The following B3GALT1 variants were observed in gnomAD, a reference collection of about 807,000 sequenced individuals.
B3GALT1 encodes the protein beta-1,3-galactosyltransferase 1, also known as UDP-Gal:betaGlcNAc beta 1,3-galactosyltransferase, polypeptide 1.
B3GALT1 carries 10 observed loss-of-function variants against 23.2 expected under a neutral mutation model. That is an observed-to-expected ratio of 0.43 (90% CI 0.27 to 0.73). The LOEUF (loss-of-function observed/expected upper bound fraction) is 0.73. Among genes scored for constraint, B3GALT1 ranks in the 30% least tolerant of loss-of-function variants. B3GALT1 has a pLI of 0.21. For synonymous variants in B3GALT1, 156 were observed against 141.5 expected (o/e 1.10, Z -0.73); for missense variants, 299 against 405.4 (o/e 0.74, Z 2.25).
chr2:167,860,939 G>A (rs1474886949), intron 4 of B3GALT1, among the ~76,000 whole-genome samples: 1 of 147,166 alleles, frequency 6.8e-6, no homozygotes, highest in African/African-American at 2.5e-5. Context: ...ATTCTTCTTT[G>A]AATGCTAATT....
chr2:167,661,389 A>C (rs922620495), intron 3 of B3GALT1, among the ~76,000 whole-genome samples: 5 of 152,064 alleles, frequency 3.3e-5, no homozygotes, highest in African/African-American at 1.2e-4. Context: ...AGCCCCAAGA[A>C]AACCAGTCTT....
intron 1 of B3GALT1, among the ~76,000 whole-genome samples, chr2:167,441,550 G>A (rs188691021): frequency 1.1e-4 from 17 of 152,178 alleles, no homozygotes; most frequent in East Asian, 5.8e-4. Context: ...CATGATACTC[G>A]TGTTATCTTC....
chr2:167,332,975 T>A (rs1229323309), intron 1 of B3GALT1, among the ~76,000 whole-genome samples: 2 of 152,176 alleles, frequency 1.3e-5, no homozygotes, highest in Non-Finnish European at 2.9e-5. Context: ...CTCAGGCAAA[T>A]TCCAGGTCTG....
chr2:167,325,702 C>CTTTT (rs61066636), intron 1 of B3GALT1, among the ~76,000 whole-genome samples: 22 of 110,560 alleles, frequency 2.0e-4, no homozygotes, highest in African/African-American at 6.0e-4. Flanking sequence ...ACCCTGTTTT[C>CTTTT]TTTTTTTTTT....
chr2:167,688,313 A>G (rs1409910054), intron 3 of B3GALT1, among the ~76,000 whole-genome samples: 8 of 152,198 alleles, frequency 5.3e-5, no homozygotes, highest in Non-Finnish European at 7.3e-5. Flanking sequence ...ATACTAAAAC[A>G]GATCTGGCAT....
intron 3 of B3GALT1, among the ~76,000 whole-genome samples, chr2:167,738,376 A>T (rs1275689026): frequency 6.6e-6 from 1 of 152,208 alleles, no homozygotes; most frequent in Non-Finnish European, 1.5e-5. Context: ...TAAATGAAAG[A>T]TCAAAATCAT....
intron 2 of B3GALT1, among the ~76,000 whole-genome samples, chr2:167,550,159 A>T (rs1289605917): frequency 6.6e-6 from 1 of 152,202 alleles, no homozygotes; most frequent in African/African-American, 2.4e-5. Flanking sequence ...ATTGCTATCC[A>T]CTGAGGGAGT....
chr2:167,634,063 A>G (rs1685506824), intron 2 of B3GALT1, among the ~76,000 whole-genome samples: 1 of 152,176 alleles, frequency 6.6e-6, no homozygotes, highest in Admixed American at 6.5e-5. Context: ...ACACAACTAC[A>G]TGGAAACTGA....
intron 4 of B3GALT1, among the ~76,000 whole-genome samples, chr2:167,867,140 A>G (rs1016937018): frequency 4.6e-5 from 7 of 152,164 alleles, no homozygotes; most frequent in East Asian, 1.9e-4. Context: ...TTTAGCCAGG[A>G]TGGTCTCGAT....
intron 1 of B3GALT1, among the ~76,000 whole-genome samples, chr2:167,452,829 G>A (rs1699109907): frequency 6.6e-6 from 1 of 152,134 alleles, no homozygotes; most frequent in African/African-American, 2.4e-5. Context: ...AAGCCAAATT[G>A]CTAGTTTAAT....
At chr2:167,653,072 G>A (rs1685894287) in intron 3 of B3GALT1, among the ~76,000 whole-genome samples, 1 of 152,030 alleles carries the variant, frequency 6.6e-6, no homozygotes, top group South Asian at 2.1e-4. Flanking sequence ...TTATTGAAGG[G>A]AATATCTACA....
At chr2:167,406,676 G>C (rs746368309) in intron 1 of B3GALT1, among the ~76,000 whole-genome samples, 1 of 152,182 alleles carries the variant, frequency 6.6e-6, no homozygotes, top group Non-Finnish European at 1.5e-5. Context: ...TATCCCTGCG[G>C]ACAGGCAGAG....
In B3GALT1 at chr2:167,388,208, A is replaced by G. The variant is rs11901733; in HGVS notation, c.-511+94874A>G. Among the ~76,000 whole-genome samples the G allele has an allele frequency of 7.3e-3, 1,118 of 152,276 alleles. 16 individuals are homozygous for G. Among genetic ancestry groups the G allele is most frequent in the African/African-American group, 0.026 (1,060 of 41,568 alleles). ...TAGATATCACATATCCCTTAAAGGG[A>G]GAATGAATATGGTGTGTAATTCACT... On this transcript the variant is annotated intron_variant, in intron 1 of 4. Coordinates refer to ENST00000392690, the MANE Select transcript of B3GALT1 (RefSeq NM_020981.4).
At chr2:167,337,104 T>C (rs1335448864) in intron 1 of B3GALT1, among the ~76,000 whole-genome samples, 1 of 152,138 alleles carries the variant, frequency 6.6e-6, no homozygotes, top group Non-Finnish European at 1.5e-5. Context: ...TGTTGGACAA[T>C]ACCAGTATTA....
chr2:167,356,240 C>T (rs1697401019), intron 1 of B3GALT1, among the ~76,000 whole-genome samples: 2 of 152,148 alleles, frequency 1.3e-5, no homozygotes, highest in South Asian at 4.1e-4. Flanking sequence ...TTGCATGTAT[C>T]TCAGCAACTA....
At chr2:167,368,627 G>A (rs987724290) in intron 1 of B3GALT1, among the ~76,000 whole-genome samples, 1 of 152,166 alleles carries the variant, frequency 6.6e-6, no homozygotes, top group Non-Finnish European at 1.5e-5. Flanking sequence ...TACTTTCGTT[G>A]CATCTCTTTA....
chr2:167,587,585 A>G (rs1684603982), intron 2 of B3GALT1, among the ~76,000 whole-genome samples: 1 of 152,202 alleles, frequency 6.6e-6, no homozygotes. Flanking sequence ...GACACTCCCA[A>G]GGTACTCCAA....
intron 2 of B3GALT1, among the ~76,000 whole-genome samples, chr2:167,512,593 T>A (rs56166323): frequency 2.5e-5 from 2 of 81,524 alleles, no homozygotes; most frequent in Non-Finnish European, 4.7e-5. Flanking sequence ...TATATATATG[T>A]GTATATATAT....
chr2:167,863,951 G>T (rs1437923076), intron 4 of B3GALT1, among the ~76,000 whole-genome samples: 1 of 151,420 alleles, frequency 6.6e-6, no homozygotes, highest in African/African-American at 2.4e-5. Context: ...AGGAAAAAAG[G>T]TCAGTAGAAA....
Sources: allele counts gnomAD v4.1 joint callset (sites outside exome capture counted in the v4.1 genomes callset), GRCh38; gene constraint gnomAD v4.1.1; transcripts MANE v1.5; gene names NCBI Gene and HGNC (gene_info 2026-07-23, HGNC 2026-07-21).